ZNF362: variants seen among roughly 807,000 people sequenced by gnomAD.
ZNF362 encodes the protein zinc finger protein 362.
In ZNF362, 11 loss-of-function variants were observed where a neutral mutation model predicts 42.9. The ratio of observed to expected loss-of-function variants is 0.26; its 90% CI spans 0.16 to 0.42. The LOEUF (loss-of-function observed/expected upper bound fraction) is 0.42. Among genes scored for constraint, ZNF362 ranks in the 20% least tolerant of loss-of-function variants. ZNF362 has a pLI of 1.00. For missense variants in ZNF362, 362 were observed against 576.2 expected (o/e 0.63, Z 3.81); for synonymous variants, 255 against 257.3 (o/e 0.99, Z 0.09).
At chr1:33,130,599 C>T in the ZNF362 span, among the ~76,000 whole-genome samples, 1 of 152,240 alleles carries the variant, frequency 6.6e-6, no homozygotes, top group Non-Finnish European at 1.5e-5. Context: ...CAGCCAACAC[C>T]TGATTGCAGC....
chr1:33,256,465 G>GCCA, upstream of ZNF362: 1 of 169,530 alleles, frequency 5.9e-6, no homozygotes, highest in Non-Finnish European at 1.2e-5. Flanking sequence ...CGCCGCCGCC[G>GCCA]CCGCCGCCTC....
At chr1:33,245,810 T>A in the ZNF362 span, among the ~76,000 whole-genome samples, 1 of 152,146 alleles carries the variant, frequency 6.6e-6, no homozygotes, top group Non-Finnish European at 1.5e-5. Flanking sequence ...TATGGTGGCA[T>A]GTGCCTGTAG....
chr1:33,241,095 C>T, the ZNF362 span, among the ~76,000 whole-genome samples: 3 of 148,904 alleles, frequency 2.0e-5, no homozygotes, highest in African/African-American at 4.9e-5. Flanking sequence ...TCCCCCGCCC[C>T]GCCCCACTCT....
At chr1:33,140,063 G>T in the ZNF362 span, among the ~76,000 whole-genome samples, 520 of 152,266 alleles carry the variant, frequency 3.4e-3, 13 homozygotes, top group Non-Finnish European at 5.1e-4. This position sits in a 1 kb window ranked among gnomAD's most constrained non-coding sequence, Gnocchi z 4.0. Context: ...GAAAGAAGTG[G>T]GGAAGGACTT....
the ZNF362 span, among the ~76,000 whole-genome samples, chr1:33,145,187 C>T: frequency 6.6e-6 from 1 of 152,178 alleles, no homozygotes; most frequent in Non-Finnish European, 1.5e-5. Context: ...AGTTTTTGGA[C>T]AGGTTTGTGG....
chr1:33,152,765 G>C, the ZNF362 span, among the ~76,000 whole-genome samples: 1 of 152,300 alleles, frequency 6.6e-6, no homozygotes, highest in Non-Finnish European at 1.5e-5. Flanking sequence ...GGGGCTCTGA[G>C]AGGGGAGTGC....
chr1:33,151,124 G>A, the ZNF362 span, among the ~76,000 whole-genome samples: 1 of 151,954 alleles, frequency 6.6e-6, no homozygotes, highest in African/African-American at 2.4e-5. Context: ...GGGCACCCTA[G>A]GAGGGAGACA....
At chr1:33,131,399 G>C in the ZNF362 span, among the ~76,000 whole-genome samples, 2 of 152,206 alleles carry the variant, frequency 1.3e-5, no homozygotes, top group Non-Finnish European at 2.9e-5. Flanking sequence ...AGGGCTCTGA[G>C]GGTCTAAATC....
At chr1:33,173,517 T>G in the ZNF362 span, among the ~76,000 whole-genome samples, 2 of 152,064 alleles carry the variant, frequency 1.3e-5, no homozygotes, top group Non-Finnish European at 2.9e-5. Flanking sequence ...TTTTCCATTC[T>G]TACCTCCTCC....
the ZNF362 span, among the ~76,000 whole-genome samples, chr1:33,230,322 G>A: frequency 6.6e-6 from 1 of 152,100 alleles, no homozygotes; most frequent in Non-Finnish European, 1.5e-5. Flanking sequence ...TGCTGTACAG[G>A]AACCATTCCA....
At chr1:33,138,626 C>CAAAAAAAAAAAAAA in the ZNF362 span, among the ~76,000 whole-genome samples, 2 of 66,094 alleles carry the variant, frequency 3.0e-5, no homozygotes, top group African/African-American at 4.7e-5. Flanking sequence ...ACAACAACAA[C>CAAAAAAAAAAAAAA]AAAAAAAAAA....
At chr1:33,258,846 G>T (rs529818247) in intron 1 of ZNF362, among the ~76,000 whole-genome samples, 1 of 152,314 alleles carries the variant, frequency 6.6e-6, no homozygotes, top group South Asian at 2.1e-4. Flanking sequence ...TTGTCCTAAT[G>T]GGGATTATGA....
chr1:33,211,845 C>T, the ZNF362 span, among the ~76,000 whole-genome samples: 2 of 152,148 alleles, frequency 1.3e-5, no homozygotes, highest in South Asian at 2.1e-4. Context: ...AACTTGGTTC[C>T]ATTCTCCCCA....
chr1:33,219,288 C>T, the ZNF362 span, among the ~76,000 whole-genome samples: 2 of 152,212 alleles, frequency 1.3e-5, no homozygotes, highest in Admixed American at 6.5e-5. Flanking sequence ...GGTTGGCGCT[C>T]AGTGAGTGTG....
chr1:33,220,380 TCA>T, the ZNF362 span, among the ~76,000 whole-genome samples: 1 of 152,142 alleles, frequency 6.6e-6, no homozygotes, highest in Non-Finnish European at 1.5e-5. Flanking sequence ...CCTCTAACCC[TCA>T]GTTACCTTGT....
chr1:33,251,334 C>A, the ZNF362 span, among the ~76,000 whole-genome samples: 1 of 152,194 alleles, frequency 6.6e-6, no homozygotes, highest in South Asian at 2.1e-4. Context: ...GTCACCAAGT[C>A]CTGGTAGGGC....
At chr1:33,204,122 C>A in the ZNF362 span, among the ~76,000 whole-genome samples, 1 of 152,076 alleles carries the variant, frequency 6.6e-6, no homozygotes, top group Non-Finnish European at 1.5e-5. Flanking sequence ...TATTTAGGTC[C>A]TTTGTCCATT....
the ZNF362 span, among the ~76,000 whole-genome samples, chr1:33,223,167 C>A: frequency 6.6e-6 from 1 of 152,112 alleles, no homozygotes. Flanking sequence ...AGGAGAATCA[C>A]TTGAACCCAG....
chr1:33,226,534 T>A, the ZNF362 span, among the ~76,000 whole-genome samples: 1 of 152,214 alleles, frequency 6.6e-6, no homozygotes, highest in Non-Finnish European at 1.5e-5. Context: ...AACGAGGTGC[T>A]GATTCCTGCT....
Sources: gnomAD v4.1 joint callset for allele counts (sites outside exome capture counted in the v4.1 genomes callset) on GRCh38, gnomAD v4.1.1 for gene constraint, Gnocchi (gnomAD v3.1) non-coding constraint, MANE v1.5 for transcripts, NCBI Gene and HGNC (gene_info 2026-07-23, HGNC 2026-07-21) for gene names.